Variants in TSHB observed in about 807,000 individuals in gnomAD.
The protein encoded by TSHB is thyroid stimulating hormone subunit beta.
A neutral mutation model predicts 9.3 loss-of-function variants in TSHB; 9 were observed. That is an observed-to-expected ratio of 0.97 (90% CI 0.58 to 1.69). TSHB has a LOEUF of 1.69. TSHB is among the 40% of genes most tolerant of loss of function. TSHB has a pLI of 0.00. For synonymous variants in TSHB, 57 were observed against 57.2 expected (o/e 1.00, Z 0.01); for missense variants, 182 against 168.5 (o/e 1.08, Z -0.44).
intron 1 of TSHB, among the ~76,000 whole-genome samples, chr1:115,031,543 G>A (rs1018867682): frequency 5.3e-5 from 8 of 152,074 alleles, no homozygotes; most frequent in African/African-American, 1.9e-4. Flanking sequence ...CAGAATTATA[G>A]AGCTAAAAGT....
chr1:115,033,754 T>G (rs1674947086), intron 2 of TSHB, among the ~76,000 whole-genome samples: 1 of 152,124 alleles, frequency 6.6e-6, no homozygotes, highest in Admixed American at 6.6e-5. Flanking sequence ...TTAAACCTTA[T>G]CTTGTTCCCA....
rs147586192 is a variant in TSHB at position 115,032,044 on chromosome 1, T to C, written c.-1-1318T>C. Among the ~76,000 whole-genome samples, 158 of 152,130 alleles carry C rather than the reference T, an allele frequency of 1.0e-3. 2 individuals are homozygous for C. The highest frequency in any genetic ancestry group is 3.7e-3 in the African/African-American group (153 of 41,552). On this transcript the variant is annotated intron_variant, in intron 1 of 2. Coordinates refer to ENST00000256592, the MANE Select transcript of TSHB (RefSeq NM_000549.5). ...TTTCAGAGCACTAGAACAATCTGCG[T>C]TTTTATTATTTGTGTTCATATTAGC... is the stretch of plus-strand genomic sequence containing the variant.
At chr1:115,032,608 ATTC>A (rs1164256514) in intron 1 of TSHB, among the ~76,000 whole-genome samples, 1 of 152,132 alleles carries the variant, frequency 6.6e-6, no homozygotes, top group African/African-American at 2.4e-5. Flanking sequence ...GATTAAAAAA[ATTC>A]TTCTTAATCT....
At chr1:115,033,611 T>C (rs1370954705) in intron 2 of TSHB, 87 bp downstream of exon 2, 1 of 1,251,498 alleles carries the variant, frequency 8.0e-7, no homozygotes, top group Non-Finnish European at 1.2e-6. Flanking sequence ...ATGAAATAAA[T>C]CACAACCTCA....
intron 1 of TSHB, among the ~76,000 whole-genome samples, chr1:115,031,177 G>A (rs139429773): frequency 1.4e-4 from 21 of 152,132 alleles, no homozygotes; most frequent in African/African-American, 4.8e-4. Context: ...AAGAAGTAAA[G>A]GAAAAGAAAA....
rs560820166 is a variant in TSHB at position 115,033,833 on chromosome 1, T to C, written c.163-140T>C. ...AGAATTCAACGTGGTTAAGTTGGTA[T>C]TGGAGAATGGGGCTAAGCAATTCTT... On this transcript the variant is annotated intron_variant, in intron 2 of 2. Transcript: ENST00000256592. 3 of 1,232,002 alleles carry C rather than the reference T, an allele frequency of 2.4e-6. No homozygotes were observed. The African/African-American group carries it at 4.5e-5, about 19-fold the overall frequency. The allele number at this position is 1,232,002 out of a possible 1,614,324, so 76.3% of individuals were successfully genotyped here. A position where few individuals can be genotyped will look rare whatever the true frequency, so the allele number is the denominator to read the frequency against.
At position 115,034,174 on chromosome 1, in the gene TSHB, A is replaced by G. The variant is rs1200280718; in HGVS notation, c.364A>G (p.Thr122Ala). 2 of 1,613,866 alleles carry G rather than the reference A, an allele frequency of 1.2e-6. No individual in the cohort carries two copies. Among genetic ancestry groups the G allele is most frequent in the East Asian group, 4.5e-5 (2 of 44,870 alleles). Residue 122 changes from threonine to alanine, a missense_variant, in exon 3 of 3, where the codon ACA (threonine) becomes GCA (alanine). Physicochemically the swap from Thr to Ala is moderately conservative, Grantham distance 58. Transcript: ENST00000256592. ...YSDCIHEAIK[T>A]NYCTKPQKSY... ...TGACTGCATACATGAAGCCATCAAG[A>G]CAAACTACTGTACCAAACCTCAGAA...
intron 1 of TSHB, among the ~76,000 whole-genome samples, chr1:115,031,068 G>T (rs754998630): frequency 5.3e-5 from 8 of 151,974 alleles, no homozygotes; most frequent in Non-Finnish European, 1.0e-4. Flanking sequence ...GTGCTGCGAA[G>T]ATTTTCATGA....
chr1:115,030,923 A>C (rs1674881724), intron 1 of TSHB, among the ~76,000 whole-genome samples: 1 of 152,036 alleles, frequency 6.6e-6, no homozygotes, highest in African/African-American at 2.4e-5. Context: ...ATATGGAAAA[A>C]TGAAGGCACA....
At chr1:115,033,859 T>C in intron 2 of TSHB, 114 bp from the exon 3 acceptor site, 1 of 1,455,380 alleles carries the variant, frequency 6.9e-7, no homozygotes, top group South Asian at 1.2e-5. Context: ...AGCAATTCTT[T>C]CCCAGTTGTA....
chr1:115,033,540 C>T lies in TSHB; in HGVS notation c.162+16C>T, dbSNP rs372922733. ...TATGACACGGGTATGTAGTTCATGTCACTTCTTTTGGCTGTAAATTATATA... is the reference window on the plus strand; with the variant it reads ...TATGACACGGGTATGTAGTTCATGTTACTTCTTTTGGCTGTAAATTATATA... On this transcript the variant is annotated intron_variant, in intron 2 of 2. Coordinates refer to ENST00000256592, the MANE Select transcript of TSHB (RefSeq NM_000549.5). 359 of 1,609,118 alleles carry T rather than the reference C, an allele frequency of 2.2e-4. 2 individuals are homozygous for T. The African/African-American group carries it at 4.3e-3, about 19-fold the overall frequency.
chr1:115,034,258 T>A lies in TSHB; in HGVS notation c.*31T>A. Reference sequence around the variant, plus strand: ...ATATAATTTGCAATTTGGTTAAATGTGCTTGCCTGAAATAAAGCTAATAAA... The same window carrying A: ...ATATAATTTGCAATTTGGTTAAATGAGCTTGCCTGAAATAAAGCTAATAAA... On this transcript the variant is annotated 3_prime_UTR_variant, in exon 3 of 3. Transcript: ENST00000256592. 6.2e-7 allele frequency: 1 copy of A among 1,604,596 alleles called. No homozygotes were observed. The highest frequency in any genetic ancestry group is 1.1e-5 in the South Asian group (1 of 90,888).
In TSHB at chr1:115,034,289, T is replaced by A; in HGVS notation, c.*62T>A. 6.5e-7 allele frequency: 1 copy of A among 1,538,742 alleles called. No individual in the cohort carries two copies. The highest frequency in any genetic ancestry group is 9.0e-7 in the Non-Finnish European group (1 of 1,112,948). On this transcript the variant is annotated 3_prime_UTR_variant, in exon 3 of 3. Transcript: ENST00000256592. ...CCTGAAATAAAGCTAATAAAAATAT[T>A]ATGTTTCACATTATCTTCTGTTCAT...
intron 1 of TSHB, among the ~76,000 whole-genome samples, chr1:115,032,554 GA>G (rs1169695213): frequency 6.6e-6 from 1 of 151,558 alleles, no homozygotes; most frequent in African/African-American, 2.4e-5. Context: ...ACTTGAGAAG[GA>G]AAAAAATCCA....
At chr1:115,030,686 A>G (rs955759018) in intron 1 of TSHB, among the ~76,000 whole-genome samples, 6 of 152,186 alleles carry the variant, frequency 3.9e-5, no homozygotes, top group African/African-American at 1.4e-4. Context: ...CATGCCTTCT[A>G]TGTTTAGGTA....
rs1674963614 is a variant in TSHB, at chr1:115,034,280, T to TA, written c.*58dup. 8 of 1,563,326 alleles carry TA rather than the reference T, an allele frequency of 5.1e-6. No homozygotes were observed. In the Middle Eastern group the frequency reaches 6.8e-4, roughly 133 times the overall value. ...ATGTGCTTGCCTGAAATAAAGCTAATAAAAATATTATGTTTCACATTATCT... is the reference window on the plus strand; with the variant it reads ...ATGTGCTTGCCTGAAATAAAGCTAATAAAAAATATTATGTTTCACATTATCT... On this transcript the variant is annotated 3_prime_UTR_variant, in exon 3 of 3. Coordinates refer to ENST00000256592, the MANE Select transcript of TSHB (RefSeq NM_000549.5).
chr1:115,032,830 A>T (rs1462982312), intron 1 of TSHB, among the ~76,000 whole-genome samples: 1 of 152,030 alleles, frequency 6.6e-6, no homozygotes, highest in African/African-American at 2.4e-5. Flanking sequence ...ATGATATCCA[A>T]TTGATATTGA....
Sources: gnomAD v4.1 joint callset for allele counts (sites outside exome capture counted in the v4.1 genomes callset) on GRCh38, gnomAD v4.1.1 for gene constraint, MANE v1.5 for transcripts, NCBI Gene and HGNC (gene_info 2026-07-23, HGNC 2026-07-21) for gene names.